Variants in OPCML observed in about 807,000 individuals in gnomAD.
OPCML encodes opioid binding protein/cell adhesion molecule like.
In OPCML, 13 loss-of-function variants were observed where a neutral mutation model predicts 37.8. The ratio of observed to expected loss-of-function variants is 0.34; its 90% CI spans 0.22 to 0.55. OPCML has a LOEUF of 0.55. Ranked by LOEUF, OPCML falls within the 20% of genes least tolerant of loss-of-function variation. The pLI is 0.91. For missense variants in OPCML, 341 were observed against 435.6 expected, an observed-to-expected ratio of 0.78 and a Z score of 1.93; for synonymous variants, 176 against 168.8, an observed-to-expected ratio of 1.04 and a Z score of -0.33.
At position 132,871,961 on chromosome 11, in the gene OPCML, T is replaced by A. The variant is rs145937655; in HGVS notation, c.146+70965A>T. The stretch of plus-strand genomic sequence containing the variant: ...GACTTTTCCTGGTTTTTGAATTCAG[T>A]CTTATTCATACTAAAATTTTATCCC... On this transcript the variant is annotated intron_variant, in intron 2 of 7. Transcript: ENST00000524381. Among the ~76,000 whole-genome samples the A allele has an allele frequency of 3.3e-3, 504 of 152,312 alleles. 2 individuals carry two copies. The highest frequency in any genetic ancestry group is 0.011 in the African/African-American group (476 of 41,558).
At chr11:132,714,900 C>A (rs1422936904) in intron 2 of OPCML, among the ~76,000 whole-genome samples, 1 of 152,070 alleles carries the variant, frequency 6.6e-6, no homozygotes, top group Non-Finnish European at 1.5e-5. Context: ...GATCTGAGGG[C>A]TTGGAGAGGA....
intron 1 of OPCML, among the ~76,000 whole-genome samples, chr11:133,310,180 G>T (rs1281816415): frequency 2.0e-5 from 3 of 152,174 alleles, no homozygotes; most frequent in Non-Finnish European, 2.9e-5. Flanking sequence ...ACAAACTTTT[G>T]TGGAAAAGGG....
Position 132,420,090 on chromosome 11 carries a change from G to A in OPCML, c.*103C>T. ...AAAAGAAAACAAATCTAGAATAACA[G>A]AAAAAAACAAAAAGAAGCCCAAGCT... On this transcript the variant is annotated 3_prime_UTR_variant, in exon 8 of 8. Transcript: ENST00000524381. 29 of 805,598 alleles carry A rather than the reference G, an allele frequency of 3.6e-5. No individual in the cohort carries two copies. The highest frequency in any genetic ancestry group is 2.5e-4 in the Middle Eastern group (1 of 3,956). The allele number at this position is 805,598 out of a possible 1,614,324, so 49.9% of individuals were successfully genotyped here.
At chr11:132,797,541 T>G (rs1382398933) in intron 2 of OPCML, among the ~76,000 whole-genome samples, 1 of 152,250 alleles carries the variant, frequency 6.6e-6, no homozygotes. Context: ...GCGAGTCATA[T>G]AAACATTTCC....
intron 1 of OPCML, among the ~76,000 whole-genome samples, chr11:133,055,230 A>G (rs10894642): frequency 0.71 from 77,095 of 108,062 alleles, 25,063 homozygotes; most frequent in Admixed American, 0.77. Context: ...CACCTCTACC[A>G]TATAATGCTG....
At chr11:132,960,736 T>C (rs1946075137) in intron 1 of OPCML, among the ~76,000 whole-genome samples, 1 of 152,144 alleles carries the variant, frequency 6.6e-6, no homozygotes, top group Admixed American at 6.6e-5. Context: ...CTTTCGAATC[T>C]CCCCCACCCT....
intron 3 of OPCML, among the ~76,000 whole-genome samples, chr11:132,532,425 G>A (rs2096328317): frequency 6.6e-6 from 1 of 152,130 alleles, no homozygotes; most frequent in South Asian, 2.1e-4. Flanking sequence ...ACATTAATAT[G>A]CAACTTTGTT....
chr11:132,582,981 G>C (rs140262440), intron 3 of OPCML, among the ~76,000 whole-genome samples: 1 of 151,682 alleles, frequency 6.6e-6, no homozygotes, highest in Middle Eastern at 3.4e-3. Context: ...GAGTAGCTGA[G>C]ACTATAGATG....
At chr11:132,569,891 C>T (rs573446057) in intron 3 of OPCML, among the ~76,000 whole-genome samples, 21 of 150,736 alleles carry the variant, frequency 1.4e-4, no homozygotes, top group Non-Finnish European at 3.0e-4. Context: ...CATCTTAAAT[C>T]ATAAAAGAAA....
intron 2 of OPCML, among the ~76,000 whole-genome samples, chr11:132,846,142 C>T (rs1374554962): frequency 2.0e-5 from 3 of 152,286 alleles, no homozygotes; most frequent in Non-Finnish European, 4.4e-5. Context: ...TTATAGCTGC[C>T]GTTGATCAGG....
At chr11:133,125,951 G>GTA (rs1555099221) in intron 1 of OPCML, among the ~76,000 whole-genome samples, 1 of 145,762 alleles carries the variant, frequency 6.9e-6, no homozygotes, top group Non-Finnish European at 1.5e-5. Context: ...ATAGACACAT[G>GTA]TATATAGTGT....
intron 1 of OPCML, among the ~76,000 whole-genome samples, chr11:133,491,124 G>T (rs373029302): frequency 1.3e-5 from 2 of 152,352 alleles, no homozygotes; most frequent in South Asian, 2.1e-4. Flanking sequence ...AAAGGTCAAT[G>T]AACTGGGTAA....
At chr11:132,554,863 G>GTTTTT (rs5795789) in intron 3 of OPCML, among the ~76,000 whole-genome samples, 757 of 63,990 alleles carry the variant, frequency 0.012, 151 homozygotes, top group African/African-American at 0.04. Context: ...ATGGGGTAAA[G>GTTTTT]TTTTTTTTTT....
chr11:133,477,457 G>T (rs1166679702), intron 1 of OPCML, among the ~76,000 whole-genome samples: 1 of 152,202 alleles, frequency 6.6e-6, no homozygotes, highest in African/African-American at 2.4e-5. Flanking sequence ...GTGGCAGTGG[G>T]TGGAAAATGC....
intron 1 of OPCML, among the ~76,000 whole-genome samples, chr11:133,198,858 G>T (rs563660892): frequency 2.3e-4 from 35 of 152,192 alleles, no homozygotes; most frequent in Non-Finnish European, 4.1e-4. Context: ...GGGTGCATAT[G>T]AACCAATGAG....
chr11:133,028,502 G>C (rs190122853), intron 1 of OPCML, among the ~76,000 whole-genome samples: 65 of 149,908 alleles, frequency 4.3e-4, no homozygotes, highest in Non-Finnish European at 1.9e-4. Flanking sequence ...ATGCACAAAG[G>C]TTTCAGTTGT....
chr11:133,046,254 G>A (rs754323606), intron 1 of OPCML, among the ~76,000 whole-genome samples: 10 of 152,112 alleles, frequency 6.6e-5, no homozygotes, highest in East Asian at 1.9e-4. Flanking sequence ...AAATTTTCCC[G>A]CATTTTAAAT....
intron 1 of OPCML, among the ~76,000 whole-genome samples, chr11:133,194,627 C>T (rs1481354349): frequency 2.0e-5 from 3 of 152,210 alleles, no homozygotes; most frequent in Non-Finnish European, 4.4e-5. Context: ...AAGCCCTTTC[C>T]ATCTCCGATA....
At chr11:132,613,013 T>C (rs1938752329) in intron 3 of OPCML, among the ~76,000 whole-genome samples, 1 of 152,206 alleles carries the variant, frequency 6.6e-6, no homozygotes, top group Non-Finnish European at 1.5e-5. Context: ...TCCTGGACGA[T>C]GTCACATTCC....
Sources: allele counts gnomAD v4.1 joint callset (sites outside exome capture counted in the v4.1 genomes callset), GRCh38; gene constraint gnomAD v4.1.1; transcripts MANE v1.5; gene names NCBI Gene and HGNC (gene_info 2026-07-23, HGNC 2026-07-21).